NRG2: variants seen among roughly 807,000 people sequenced by gnomAD.
NRG2 encodes the protein pro-neuregulin-2, membrane-bound isoform.
Under a neutral mutation model 73.9 loss-of-function variants are expected in NRG2, and 27 were observed. The observed-to-expected ratio is 0.37, with a 90% CI of 0.27 to 0.50. The LOEUF (loss-of-function observed/expected upper bound fraction) is 0.50, where lower values mean the gene tolerates loss of function less well. Among genes scored for constraint, NRG2 ranks in the 20% least tolerant of loss-of-function variants. The pLI is 0.96. For synonymous variants in NRG2, 532 were observed against 541.0 expected (o/e 0.98, Z 0.23); for missense variants, 1,126 against 1,210.1 (o/e 0.93, Z 1.03).
At chr5:139,992,881 C>T (rs1000016829) in intron 1 of NRG2, among the ~76,000 whole-genome samples, 2 of 152,036 alleles carry the variant, frequency 1.3e-5, no homozygotes, top group African/African-American at 4.8e-5. Flanking sequence ...TCTCATAGTT[C>T]GCTCACCCAG....
chr5:139,865,913 C>T lies in NRG2; in HGVS notation c.1113-288G>A, dbSNP rs542874102. On this transcript the variant is annotated intron_variant, in intron 4 of 9. Coordinates refer to ENST00000361474, the MANE Select transcript of NRG2 (RefSeq NM_004883.3). The surrounding 1 kb of genome is among the most constrained non-coding windows in gnomAD (Gnocchi z 5.2). Reference sequence around the variant, plus strand: ...GAAGATGGGAAATTGTCCTACTGGTCATTGAGACTTTCCTTCTTACCTGCC... The same window carrying T: ...GAAGATGGGAAATTGTCCTACTGGTTATTGAGACTTTCCTTCTTACCTGCC... Among the ~76,000 whole-genome samples, 3 of 152,150 alleles carry T rather than the reference C, an allele frequency of 2.0e-5. No individual in the cohort carries two copies. Among genetic ancestry groups the T allele is most frequent in the Non-Finnish European group, 2.9e-5 (2 of 68,022 alleles).
At position 139,868,011 on chromosome 5, in the gene NRG2, T is replaced by A. The variant is rs1762597544; in HGVS notation, c.1113-2386A>T. Among the ~76,000 whole-genome samples, 1 of 152,184 alleles carries A rather than the reference T, an allele frequency of 6.6e-6. No individual in the cohort carries two copies. The highest frequency in any genetic ancestry group is 2.1e-4 in the South Asian group (1 of 4,826). The stretch of plus-strand genomic sequence containing the variant: ...CACACCCAGCCTGGACTATCCTGAC[T>A]ACAGACTTACATCTTTCATGGCCGC... On this transcript the variant is annotated intron_variant, in intron 4 of 9. Coordinates refer to ENST00000361474, the MANE Select transcript of NRG2 (RefSeq NM_004883.3). This position sits in a 1 kb window ranked among gnomAD's most constrained non-coding sequence, Gnocchi z 4.2.
intron 1 of NRG2, among the ~76,000 whole-genome samples, chr5:140,028,745 A>G (rs1760898176): frequency 6.6e-6 from 1 of 152,154 alleles, no homozygotes; most frequent in African/African-American, 2.4e-5. Flanking sequence ...CTTCCACCAA[A>G]AGGTGGTGTG....
At chr5:139,890,477 T>C (rs113054912) in intron 1 of NRG2, among the ~76,000 whole-genome samples, 16 of 99,820 alleles carry the variant, frequency 1.6e-4, no homozygotes, top group African/African-American at 4.1e-4. Flanking sequence ...TTCTTTCTTT[T>C]TTTTTTTTTT....
intron 1 of NRG2, among the ~76,000 whole-genome samples, chr5:139,990,046 C>CG (rs1348333084): frequency 1.5e-4 from 23 of 151,634 alleles, no homozygotes; most frequent in African/African-American, 1.9e-4. Flanking sequence ...CCTCGGCCTC[C>CG]CAAAGTGCTG....
intron 1 of NRG2, among the ~76,000 whole-genome samples, chr5:139,917,483 C>T (rs1751343974): frequency 6.6e-6 from 1 of 152,146 alleles, no homozygotes; most frequent in Admixed American, 6.5e-5. Context: ...AACTCCTGGG[C>T]TCTAGTAATC....
Position 139,894,424 on chromosome 5 carries a change from GT to G in NRG2, c.701-6914del, listed in dbSNP as rs1764429224. Among the ~76,000 whole-genome samples, 1 of 151,196 alleles carries G rather than the reference GT, an allele frequency of 6.6e-6. No homozygotes were observed. Among genetic ancestry groups the G allele is most frequent in the Non-Finnish European group, 1.5e-5 (1 of 67,826 alleles). ...ACAAAGTGACTGCAACCTATTGGAGGTTAATTACAGACTCCAAGTTCAAATG... is the reference window on the plus strand; with the variant it reads ...ACAAAGTGACTGCAACCTATTGGAGGTAATTACAGACTCCAAGTTCAAATG... On this transcript the variant is annotated intron_variant, in intron 1 of 9. Transcript: ENST00000361474. The surrounding 1 kb of genome is among the most constrained non-coding windows in gnomAD (Gnocchi z 5.0).
At chr5:139,901,136 C>G (rs367859943) in intron 1 of NRG2, among the ~76,000 whole-genome samples, 3 of 152,234 alleles carry the variant, frequency 2.0e-5, no homozygotes, top group Non-Finnish European at 2.9e-5. Flanking sequence ...TGCCCTACCC[C>G]AGCTGTACCG....
At chr5:139,897,617 C>T (rs762999763) in intron 1 of NRG2, among the ~76,000 whole-genome samples, 2 of 152,204 alleles carry the variant, frequency 1.3e-5, no homozygotes, top group Non-Finnish European at 2.9e-5. Context: ...TCACTGATCA[C>T]AGGCCAAGTA....
At chr5:139,930,140 C>T (rs1159471986) in intron 1 of NRG2, among the ~76,000 whole-genome samples, 9 of 152,222 alleles carry the variant, frequency 5.9e-5, no homozygotes, top group Non-Finnish European at 1.3e-4. Flanking sequence ...GTTTCTCCTA[C>T]TCCAAGTGAG....
chr5:140,015,603 G>T (rs760191421), intron 1 of NRG2, among the ~76,000 whole-genome samples: 1 of 152,182 alleles, frequency 6.6e-6, no homozygotes, highest in Admixed American at 6.5e-5. Context: ...TAGGGTCCAC[G>T]TCTAAGTATC....
rs146778124 is a variant in NRG2 at position 139,969,457 on chromosome 5, C to T, written c.700+72913G>A. 2.7e-3 allele frequency among the ~76,000 whole-genome samples: 414 copies of T among 152,324 alleles called. 3 individuals are homozygous for T. Among genetic ancestry groups the T allele is most frequent in the African/African-American group, 9.7e-3 (402 of 41,574 alleles). The stretch of plus-strand genomic sequence containing the variant: ...TTTCTACCAATTAGAGCTGACCTCA[C>T]TGGCAGCCTTCAAAAGGAGTGAGTT... On this transcript the variant is annotated intron_variant, in intron 1 of 9. Transcript: ENST00000361474.
Position 139,848,126 on chromosome 5 carries a change from C to T in NRG2, c.2344G>A (p.Asp782Asn). The change falls in exon 10 of 10, where the codon GAC (aspartate) becomes AAC (asparagine). Residue 782 changes from aspartate to asparagine, a missense_variant. Asp to Asn is a conservative substitution (Grantham distance 23). Coordinates refer to ENST00000361474, the MANE Select transcript of NRG2 (RefSeq NM_004883.3). ...GCCGCCAGCGCCCCGTCCGCGTCGT[C>T]CGCGTCGTCGTCCGACGCCGAGGCT... is the stretch of plus-strand genomic sequence containing the variant. Reference protein sequence around the residue: ...GSASASDDDADDADGALAAES... With the variant: ...GSASASDDDANDADGALAAES... The T allele has an allele frequency of 6.8e-7, 1 of 1,471,808 alleles. No homozygotes were observed. Among genetic ancestry groups the T allele is most frequent in the Non-Finnish European group, 8.9e-7 (1 of 1,119,110 alleles). 91.2% of individuals were successfully genotyped at this position (1,471,808 alleles called of 1,614,324 possible).
intron 1 of NRG2, among the ~76,000 whole-genome samples, chr5:139,956,370 A>G (rs537422551): frequency 6.0e-4 from 87 of 143,970 alleles, no homozygotes; most frequent in African/African-American, 2.1e-3. Context: ...CCCCTCTCTG[A>G]CTTTTGCAAT....
intron 1 of NRG2, among the ~76,000 whole-genome samples, chr5:140,013,080 C>G (rs1759493608): frequency 1.3e-5 from 2 of 152,212 alleles, no homozygotes. Context: ...TCTCCTCCCT[C>G]ATACTCTCAG....
intron 1 of NRG2, among the ~76,000 whole-genome samples, chr5:139,929,834 G>A (rs1022900604): frequency 1.3e-5 from 2 of 152,094 alleles, no homozygotes; most frequent in Non-Finnish European, 2.9e-5. Flanking sequence ...CCCTCCCATC[G>A]GCTGCTGTGT....
chr5:139,938,649 G>A (rs925336937), intron 1 of NRG2, among the ~76,000 whole-genome samples: 7 of 151,966 alleles, frequency 4.6e-5, no homozygotes, highest in Admixed American at 3.9e-4. Flanking sequence ...AAGCCACCAT[G>A]TACAGCCTCA....
At chr5:139,945,390 G>C (rs1753730541) in intron 1 of NRG2, among the ~76,000 whole-genome samples, 1 of 151,882 alleles carries the variant, frequency 6.6e-6, no homozygotes, top group Admixed American at 6.6e-5. Flanking sequence ...CTTACATTTA[G>C]GTCTTTATTG....
chr5:139,995,597 C>T (rs116838585), intron 1 of NRG2, among the ~76,000 whole-genome samples: 2,403 of 152,280 alleles, frequency 0.016, 59 homozygotes, highest in African/African-American at 0.055. Flanking sequence ...AGCAAGCCAA[C>T]TTGTCTTCAG....
Sources: allele counts gnomAD v4.1 joint callset (sites outside exome capture counted in the v4.1 genomes callset), GRCh38; gene constraint gnomAD v4.1.1; non-coding constraint Gnocchi (gnomAD v3.1); transcripts MANE v1.5; gene names NCBI Gene and HGNC (gene_info 2026-07-23, HGNC 2026-07-21).